The following SECISBP2L variants were observed in gnomAD, a reference collection of about 807,000 sequenced individuals.
SECISBP2L encodes SECIS binding protein 2 like.
Under a neutral mutation model 114.7 loss-of-function variants are expected in SECISBP2L, and 43 were observed. The observed-to-expected ratio is 0.38, with a 90% CI of 0.29 to 0.48. The LOEUF (loss-of-function observed/expected upper bound fraction) is 0.48. Ranked by LOEUF, SECISBP2L falls within the 20% of genes least tolerant of loss-of-function variation. The pLI is 0.98. For missense variants in SECISBP2L, 1,136 were observed against 1,301.1 expected, an observed-to-expected ratio of 0.87 and a Z score of 1.95; for synonymous variants, 451 against 439.7, an observed-to-expected ratio of 1.03 and a Z score of -0.32.
At chr15:49,009,610 A>C (rs1902395896) in intron 13 of SECISBP2L, among the ~76,000 whole-genome samples, 1 of 152,122 alleles carries the variant, frequency 6.6e-6, no homozygotes, top group Non-Finnish European at 1.5e-5. Flanking sequence ...GAGGTGGTGC[A>C]TGCCTGTGGT....
intron 14 of SECISBP2L, among the ~76,000 whole-genome samples, chr15:49,003,544 T>C (rs991847923): frequency 6.6e-6 from 1 of 152,258 alleles, no homozygotes; most frequent in Admixed American, 6.5e-5. Context: ...CTTCCAGCTT[T>C]TGCCCATTCA....
At chr15:49,009,495 A>G in intron 13 of SECISBP2L, 117 bp from the exon 14 acceptor site, 1 of 979,502 alleles carries the variant, frequency 1.0e-6, no homozygotes, top group Non-Finnish European at 1.5e-6. Flanking sequence ...CAAATTTTCC[A>G]GAAGCTAATA....
chr15:49,027,604 C>G, intron 6 of SECISBP2L, 124 bp from the exon 7 acceptor site: 2 of 469,126 alleles, frequency 4.3e-6, no homozygotes, highest in South Asian at 4.5e-5. Context: ...TTCTATAAAC[C>G]TTATTATTTT....
chr15:49,025,279 C>T (rs972399532), intron 7 of SECISBP2L, among the ~76,000 whole-genome samples: 3 of 151,984 alleles, frequency 2.0e-5, no homozygotes, highest in Admixed American at 6.6e-5. Context: ...ATATGAAGTA[C>T]AGGTTGAGTT....
At chr15:49,030,121 T>C (rs1902856168) in intron 4 of SECISBP2L, among the ~76,000 whole-genome samples, 2 of 152,156 alleles carry the variant, frequency 1.3e-5, no homozygotes, top group Non-Finnish European at 2.9e-5. Flanking sequence ...TTCTGCCGAT[T>C]CATAATTTTT....
At chr15:49,003,159 C>T (rs1902245440) in intron 14 of SECISBP2L, among the ~76,000 whole-genome samples, 2 of 17,362 alleles carry the variant, frequency 1.2e-4, no homozygotes, top group Non-Finnish European at 3.5e-4. Flanking sequence ...TTGAAGAGTT[C>T]CTTCACATCC....
At chr15:49,013,607 T>A (rs1902482825) in intron 11 of SECISBP2L, among the ~76,000 whole-genome samples, 1 of 152,200 alleles carries the variant, frequency 6.6e-6, no homozygotes, top group Non-Finnish European at 1.5e-5. Flanking sequence ...AGTAATTCTT[T>A]TATGTCTGGT....
At chr15:49,034,792 T>G (rs1902972221) in intron 3 of SECISBP2L, among the ~76,000 whole-genome samples, 1 of 150,998 alleles carries the variant, frequency 6.6e-6, no homozygotes, top group Admixed American at 6.6e-5. Flanking sequence ...AGCCCCCAAG[T>G]AGCTGGAGCT....
At chr15:49,027,277 G>A (rs1388239497) in intron 7 of SECISBP2L, 88 bp downstream of exon 7, 33 of 833,004 alleles carry the variant, frequency 4.0e-5, no homozygotes, top group Admixed American at 6.0e-5. Flanking sequence ...ATCACTCCAT[G>A]TGCATATCCA....
chr15:49,043,320 G>A (rs1903179522), intron 1 of SECISBP2L, among the ~76,000 whole-genome samples: 1 of 152,158 alleles, frequency 6.6e-6, no homozygotes, highest in East Asian at 1.9e-4. Context: ...TAAAACGCAT[G>A]TTGCATGAAA....
Position 49,046,343 on chromosome 15 carries a change from G to C in SECISBP2L, c.-44C>G. 1 of 1,477,828 alleles carries C rather than the reference G, an allele frequency of 6.8e-7. No individual in the cohort carries two copies. The highest frequency in any genetic ancestry group is 9.0e-7 in the Non-Finnish European group (1 of 1,110,298). The allele number at this position is 1,477,828 out of a possible 1,614,324, so 91.5% of individuals were successfully genotyped here. On this transcript the variant is annotated 5_prime_UTR_variant, in exon 1 of 18. Transcript: ENST00000559471. ...GGGCCCGCGCTAGTCGGTGTAAACAGCGCCTCGGGCCGCTTTCTCCATGGC... is the reference window on the plus strand; with the variant it reads ...GGGCCCGCGCTAGTCGGTGTAAACACCGCCTCGGGCCGCTTTCTCCATGGC...
rs181540659 is a variant in SECISBP2L, at chr15:48,999,787, G to A, written c.2403+46C>T. On this transcript the variant is annotated intron_variant, in intron 16 of 17. Transcript: ENST00000559471. ...ATGTCAATCGAAAAATGTGCTATCT[G>A]GGGGATGTGCTGGAGAGCAAGAGTG... 3 of 1,587,820 alleles carry A rather than the reference G, an allele frequency of 1.9e-6. No homozygotes were observed. In the African/African-American group the frequency reaches 4.0e-5, roughly 21 times the overall value.
At position 49,034,472 on chromosome 15, in the gene SECISBP2L, A is replaced by G. The variant is rs150171741; in HGVS notation, c.528+862T>C. ...GCTCGTACTGAGTAAGTGGTTTCAC[A>G]TATTTATCTTCCATTTTCTTCAGTC... On this transcript the variant is annotated intron_variant, in intron 3 of 17. Coordinates refer to ENST00000559471, the MANE Select transcript of SECISBP2L (RefSeq NM_001193489.2). Among the ~76,000 whole-genome samples the G allele has an allele frequency of 5.3e-5, 8 of 151,152 alleles. No individual in the cohort carries two copies. The East Asian group carries it at 1.6e-3, about 29-fold the overall frequency.
intron 12 of SECISBP2L, 73 bp downstream of exon 12, chr15:49,012,575 A>G: frequency 6.7e-7 from 1 of 1,503,670 alleles, no homozygotes; most frequent in Non-Finnish European, 9.1e-7. Context: ...AGACACCACA[A>G]CCTACTTTTA....
At chr15:49,003,079 T>G (rs748796992) in intron 14 of SECISBP2L, among the ~76,000 whole-genome samples, 2 of 152,230 alleles carry the variant, frequency 1.3e-5, no homozygotes, top group African/African-American at 2.4e-5. Context: ...TTCCTATCCG[T>G]GAGCATGGAA....
Position 49,000,923 on chromosome 15 carries a change from G to C in SECISBP2L, c.2202C>G (p.Ile734Met). Residue 734 changes from isoleucine (I) to methionine (M), a missense_variant, in exon 15 of 18, where the codon ATC (isoleucine) becomes ATG (methionine). Physicochemically the swap from Ile to Met is conservative, Grantham distance 10. Around this residue, in one of 2 missense-constraint regions of SECISBP2L, gnomAD observed 684 missense variants for 848.7 expected, o/e 0.81. Coordinates refer to ENST00000559471, the MANE Select transcript of SECISBP2L (RefSeq NM_001193489.2). ...EVTKHMKLNK[I>M]KCVIISPNCE... ...AGTTTGGAGAAATTATAACACACTTGATCTTGTTTAACTTCATATGTTTGG... is the reference window on the plus strand; with the variant it reads ...AGTTTGGAGAAATTATAACACACTTCATCTTGTTTAACTTCATATGTTTGG... 6.2e-7 allele frequency: 1 copy of C among 1,613,500 alleles called. No individual in the cohort carries two copies. Among genetic ancestry groups the C allele is most frequent in the East Asian group, 2.2e-5 (1 of 44,832 alleles).
At chr15:49,001,489 A>C (rs1426877780) in intron 14 of SECISBP2L, among the ~76,000 whole-genome samples, 2 of 149,730 alleles carry the variant, frequency 1.3e-5, no homozygotes, top group Non-Finnish European at 3.0e-5. Context: ...TTATCCTTTA[A>C]GTTCTGGGAT....
chr15:48,994,329 T>C (rs898255261), intron 17 of SECISBP2L, among the ~76,000 whole-genome samples: 1 of 152,202 alleles, frequency 6.6e-6, no homozygotes, highest in South Asian at 2.1e-4. Flanking sequence ...AGCTCAGGCC[T>C]TCTTTTTCTT....
chr15:49,003,579 C>T (rs761147532), intron 14 of SECISBP2L, among the ~76,000 whole-genome samples: 23 of 152,114 alleles, frequency 1.5e-4, no homozygotes, highest in Non-Finnish European at 2.9e-4. Flanking sequence ...GTGGGTTTGT[C>T]ATAAATAGCT....
Sources: gnomAD v4.1 joint callset for allele counts (sites outside exome capture counted in the v4.1 genomes callset) on GRCh38, gnomAD v4.1.1 for gene constraint, gnomAD v4.1.1 regional missense constraint, MANE v1.5 for transcripts, NCBI Gene and HGNC (gene_info 2026-07-23, HGNC 2026-07-21) for gene names.